Variants in PPP2CA observed in about 807,000 individuals in gnomAD.
The protein encoded by PPP2CA is serine/threonine-protein phosphatase 2A catalytic subunit alpha isoform.
In PPP2CA, 5 loss-of-function variants were observed where a neutral mutation model predicts 38.8. That is an observed-to-expected ratio of 0.13 (90% CI 0.07 to 0.27). The LOEUF is 0.27. Among genes scored for constraint, PPP2CA ranks in the 10% least tolerant of loss-of-function variants. PPP2CA has a pLI of 1.00. For synonymous variants in PPP2CA, 152 were observed against 134.0 expected, an observed-to-expected ratio of 1.13 and a Z score of -0.93; for missense variants, 88 against 389.7, an observed-to-expected ratio of 0.23 and a Z score of 6.52.
intron 4 of PPP2CA, among the ~76,000 whole-genome samples, chr5:134,200,764 G>A (rs1258588748): frequency 6.6e-6 from 1 of 152,186 alleles, no homozygotes; most frequent in Non-Finnish European, 1.5e-5. Flanking sequence ...CAGAGTCTAA[G>A]ACAGACAACC....
chr5:134,207,115 A>T (rs1346999350), intron 1 of PPP2CA, among the ~76,000 whole-genome samples: 3 of 152,184 alleles, frequency 2.0e-5, no homozygotes, highest in African/African-American at 7.2e-5. Flanking sequence ...TAAAAATCCC[A>T]ATGCCCAGCC....
At chr5:134,199,299 A>G in intron 5 of PPP2CA, 95 bp from the exon 6 acceptor site, 1 of 884,608 alleles carries the variant, frequency 1.1e-6, no homozygotes, top group Non-Finnish European at 1.8e-6. Flanking sequence ...ACTCATTCCC[A>G]CCCCTGCCAA....
chr5:134,198,429 G>A (rs1688624259), intron 6 of PPP2CA, among the ~76,000 whole-genome samples: 1 of 151,374 alleles, frequency 6.6e-6, no homozygotes, highest in African/African-American at 2.4e-5. Context: ...ACAAAACATG[G>A]TTTTAAAAGT....
Position 134,194,389 on chromosome 5 carries a change from T to A in PPP2CA, c.*3383A>T, listed in dbSNP as rs1380468509. 6.6e-6 allele frequency: 1 copy of A among 152,210 alleles called. No homozygotes were observed. The highest frequency in any genetic ancestry group is 1.5e-5 in the Non-Finnish European group (1 of 68,044). 9.4% of individuals were successfully genotyped at this position (152,210 alleles called of 1,614,324 possible). On this transcript the variant is annotated 3_prime_UTR_variant, in exon 7 of 7. Transcript: ENST00000481195. ...TTAGCTCACAGAACCAAAATCCATC[T>A]GAAAACAAACAAGCCTATTACCAAA... is the stretch of plus-strand genomic sequence containing the variant.
chr5:134,219,288 TG>T (rs931770028), intron 1 of PPP2CA, among the ~76,000 whole-genome samples: 3 of 152,226 alleles, frequency 2.0e-5, no homozygotes, highest in Admixed American at 1.3e-4. Context: ...AGCTCAATAG[TG>T]ACAATAATGC....
At chr5:134,223,808 A>G (rs907067718) in intron 1 of PPP2CA, among the ~76,000 whole-genome samples, 4 of 152,218 alleles carry the variant, frequency 2.6e-5, no homozygotes, top group Non-Finnish European at 5.9e-5. Context: ...CTCGACAATA[A>G]GCATACTTAT....
chr5:134,219,862 T>C (rs1364816419), intron 1 of PPP2CA, among the ~76,000 whole-genome samples: 1 of 151,144 alleles, frequency 6.6e-6, no homozygotes, highest in Non-Finnish European at 1.5e-5. Context: ...AATAAAAAAA[T>C]TAGCTAGGCA....
intron 2 of PPP2CA, among the ~76,000 whole-genome samples, chr5:134,203,761 G>A (rs192669810): frequency 5.9e-5 from 9 of 152,182 alleles, no homozygotes; most frequent in East Asian, 1.9e-4. Context: ...TCACTCTGTC[G>A]CCCAGGCTCA....
At chr5:134,197,887 C>A in intron 6 of PPP2CA, 43 bp from the exon 7 acceptor site, 1 of 1,499,588 alleles carries the variant, frequency 6.7e-7, no homozygotes, top group East Asian at 2.3e-5. Context: ...CCACGACCTC[C>A]ATGTAGTGAC....
chr5:134,199,252 CTAAA>C, intron 5 of PPP2CA, 48 bp from the exon 6 acceptor site: 1 of 1,345,170 alleles, frequency 7.4e-7, no homozygotes, highest in East Asian at 2.3e-5. Context: ...CTCAATTCAA[CTAAA>C]TGTTACTTCA....
chr5:134,198,324 C>T (rs1761898702), intron 6 of PPP2CA, among the ~76,000 whole-genome samples: 1 of 151,814 alleles, frequency 6.6e-6, no homozygotes, highest in South Asian at 2.1e-4. Context: ...ACCCGGGAGG[C>T]AGAGCTTGCA....
intron 1 of PPP2CA, chr5:134,224,150 A>C (rs1762507338): frequency 5.7e-6 from 2 of 353,220 alleles, no homozygotes; most frequent in Non-Finnish European, 1.1e-5. Context: ...AATGCACTGA[A>C]TTCCAAAAAT....
At chr5:134,215,888 C>T (rs1762308900) in intron 1 of PPP2CA, among the ~76,000 whole-genome samples, 1 of 152,204 alleles carries the variant, frequency 6.6e-6, no homozygotes, top group Non-Finnish European at 1.5e-5. Flanking sequence ...AACCCTTATT[C>T]TTCAAATCTT....
chr5:134,224,287 G>C lies in PPP2CA; in HGVS notation c.102+1473C>G, dbSNP rs762265160. 2.1e-4 allele frequency: 96 copies of C among 455,732 alleles called. No homozygotes were observed. In the Admixed American group the frequency reaches 2.3e-3, roughly 11 times the overall value. 28.2% of individuals were successfully genotyped at this position (455,732 alleles called of 1,614,324 possible). On this transcript the variant is annotated intron_variant, in intron 1 of 6. Transcript: ENST00000481195. ...TTGACGTGAGAGGGTAAAGAAACAG[G>C]AGATTCAATACATCGCTACCATTAA... is the stretch of plus-strand genomic sequence containing the variant.
At chr5:134,222,106 T>G (rs979959570) in intron 1 of PPP2CA, among the ~76,000 whole-genome samples, 1 of 152,274 alleles carries the variant, frequency 6.6e-6, no homozygotes, top group East Asian at 1.9e-4. Context: ...TACCAGAACA[T>G]TAGGCTTAGA....
intron 1 of PPP2CA, among the ~76,000 whole-genome samples, chr5:134,207,657 G>A (rs968225625): frequency 2.0e-5 from 3 of 152,118 alleles, no homozygotes; most frequent in Non-Finnish European, 4.4e-5. Context: ...AGGTTCAAAC[G>A]ATCCTCCTGC....
chr5:134,210,288 C>G (rs1554112944), intron 1 of PPP2CA, among the ~76,000 whole-genome samples: 1 of 152,156 alleles, frequency 6.6e-6, no homozygotes, highest in South Asian at 2.1e-4. Context: ...TAGTTTAATA[C>G]TCAAAGTAAA....
chr5:134,220,036 T>A (rs1172928822), intron 1 of PPP2CA, among the ~76,000 whole-genome samples: 2 of 143,460 alleles, frequency 1.4e-5, no homozygotes, highest in Non-Finnish European at 3.0e-5. Context: ...AAAAAAGCAG[T>A]TAATCTCAGG....
chr5:134,194,358 A>G lies in PPP2CA; in HGVS notation c.*3414T>C, dbSNP rs918467960. ...GTGAGGACGAAGGCTTTAATGCAAA[A>G]TAGCTTTAGCTCACAGAACCAAAAT... On this transcript the variant is annotated 3_prime_UTR_variant, in exon 7 of 7. Coordinates refer to ENST00000481195, the MANE Select transcript of PPP2CA (RefSeq NM_002715.4). 1 of 152,232 alleles carries G rather than the reference A, an allele frequency of 6.6e-6. No homozygotes were observed. Among genetic ancestry groups the G allele is most frequent in the African/African-American group, 2.4e-5 (1 of 41,462 alleles). The allele number at this position is 152,232 out of a possible 1,614,324, so 9.4% of individuals were successfully genotyped here.
Sources: allele counts gnomAD v4.1 joint callset (sites outside exome capture counted in the v4.1 genomes callset), GRCh38; gene constraint gnomAD v4.1.1; transcripts MANE v1.5; gene names NCBI Gene and HGNC (gene_info 2026-07-23, HGNC 2026-07-21).